The following SLC22A16 variants were observed in gnomAD, a reference collection of about 807,000 sequenced individuals.
The protein encoded by SLC22A16 is WUGSC:RG331P03.1.
SLC22A16 carries 53 observed loss-of-function variants against 52.9 expected under a neutral mutation model. That is an observed-to-expected ratio of 1.00 (90% CI 0.80 to 1.26). SLC22A16 has a LOEUF of 1.26. Ranked by LOEUF, SLC22A16 falls within the 50% of genes most tolerant of loss-of-function variation. The probability of loss-of-function intolerance (pLI) is 0.00; values close to 1 mark genes in which losing one functional copy is unlikely to be tolerated. For missense variants in SLC22A16, 726 were observed against 704.0 expected (o/e 1.03, Z -0.35); for synonymous variants, 291 against 268.8 (o/e 1.08, Z -0.81).
chr6:110,463,142 G>A (rs984649803), intron 1 of SLC22A16, among the ~76,000 whole-genome samples: 6 of 152,020 alleles, frequency 3.9e-5, no homozygotes, highest in African/African-American at 1.4e-4. Context: ...CCATGGAAAT[G>A]AAAGGACAAT....
intron 2 of SLC22A16, chr6:110,456,297 G>A (rs1332055724): frequency 4.2e-6 from 2 of 479,970 alleles, no homozygotes; most frequent in Non-Finnish European, 7.2e-6. Context: ...GGTAAGTTAG[G>A]CAATTTGCCT....
intron 1 of SLC22A16, among the ~76,000 whole-genome samples, chr6:110,468,132 G>A (rs928289722): frequency 1.3e-5 from 2 of 152,246 alleles, no homozygotes; most frequent in Non-Finnish European, 2.9e-5. Context: ...CTTGTAGCTA[G>A]CTAGTCCACG....
chr6:110,438,816 C>A lies in SLC22A16; in HGVS notation c.1215G>T (p.Val405=). 6.2e-7 allele frequency: 1 copy of A among 1,614,114 alleles called. No individual in the cohort carries two copies. Among genetic ancestry groups the A allele is most frequent in the Non-Finnish European group, 8.5e-7 (1 of 1,180,002 alleles). Residue 405 remains valine, a synonymous_variant, in exon 5 of 8, where the codon GTG becomes GTT. Transcript: ENST00000368919. ...GVVEIPAYTF[V]CIAMDKVGRR... is the part of the protein sequence containing the mutation. ...TCCCGACCTTGTCCATGGCGATGCA[C>A]ACGAAGGTGTAGGCGGGAATTTCCA...
intron 7 of SLC22A16, among the ~76,000 whole-genome samples, chr6:110,428,327 T>A (rs997088523): frequency 6.8e-6 from 1 of 146,516 alleles, no homozygotes; most frequent in Non-Finnish European, 1.5e-5. Flanking sequence ...CTTCCATAAA[T>A]ATACACCACA....
Position 110,461,249 on chromosome 6 carries a change from T to G in SLC22A16, c.54-4232A>C, listed in dbSNP as rs964267884. Among the ~76,000 whole-genome samples the G allele has an allele frequency of 9.2e-5, 14 of 152,280 alleles. No homozygotes were observed. In the East Asian group the frequency reaches 2.7e-3, roughly 29 times the overall value. ...AGAAAGAGGCTCTGACCCGAGGCCATTTTGGTGGTAGCCACAATCGAAGCC... is the reference window on the plus strand; with the variant it reads ...AGAAAGAGGCTCTGACCCGAGGCCAGTTTGGTGGTAGCCACAATCGAAGCC... On this transcript the variant is annotated intron_variant, in intron 1 of 7. Coordinates refer to ENST00000368919, the MANE Select transcript of SLC22A16 (RefSeq NM_033125.4).
At chr6:110,454,630 T>TATTATATATTTTATATATAATATA (rs1775523004) in intron 2 of SLC22A16, among the ~76,000 whole-genome samples, 1 of 47,402 alleles carries the variant, frequency 2.1e-5, no homozygotes, top group African/African-American at 1.2e-4. Context: ...TAATATATAT[T>TATTATATATTTTATATATAATATA]TATATATATT....
chr6:110,431,057 C>T, intron 7 of SLC22A16, 114 bp downstream of exon 7: 2 of 872,202 alleles, frequency 2.3e-6, no homozygotes, highest in Non-Finnish European at 3.7e-6. Flanking sequence ...TTCTACAAAC[C>T]CCATTAGGAA....
rs6928648 is a variant in SLC22A16 at position 110,447,876 on chromosome 6, G to A, written c.534-886C>T. ...TTCTCTCTGAGTAGCACCATTATAC[G>A]GATAAACCACATTTTATCTATTCAT... On this transcript the variant is annotated intron_variant, in intron 2 of 7. Transcript: ENST00000368919. Among the ~76,000 whole-genome samples the A allele has an allele frequency of 2.3e-3, 346 of 152,164 alleles. 3 individuals carry two copies. The highest frequency in any genetic ancestry group is 8.0e-3 in the African/African-American group (330 of 41,486).
intron 1 of SLC22A16, among the ~76,000 whole-genome samples, chr6:110,465,674 T>C (rs1461486459): frequency 6.6e-6 from 1 of 152,238 alleles, no homozygotes; most frequent in Admixed American, 6.5e-5. Context: ...CTCATGCTCA[T>C]GGATTAGAAG....
chr6:110,453,987 T>C (rs770745329), intron 2 of SLC22A16, among the ~76,000 whole-genome samples: 2 of 152,138 alleles, frequency 1.3e-5, no homozygotes, highest in Non-Finnish European at 2.9e-5. Context: ...CTGCGAGAAT[T>C]AATCCAGTCT....
At chr6:110,425,121 C>T in intron 7 of SLC22A16, 36 bp from the exon 8 acceptor site, 1 of 1,611,614 alleles carries the variant, frequency 6.2e-7, no homozygotes, top group Non-Finnish European at 8.5e-7. Context: ...AGTGACACAT[C>T]AAGAAAGGAA....
intron 3 of SLC22A16, among the ~76,000 whole-genome samples, chr6:110,446,445 C>T (rs554695343): frequency 3.3e-4 from 51 of 152,268 alleles, no homozygotes; most frequent in African/African-American, 8.2e-4. Flanking sequence ...AAACTCGTGC[C>T]CTTTCCACTA....
In SLC22A16 at chr6:110,476,554, C is replaced by T; in HGVS notation, c.21G>A (p.Glu7=). The change falls in exon 1 of 8, where the codon GAG becomes GAA. Residue 7 remains glutamate (E), a synonymous_variant. Coordinates refer to ENST00000368919, the MANE Select transcript of SLC22A16 (RefSeq NM_033125.4). MGSRHF[E]GIYDHVGHFG... Reference sequence around the variant, plus strand: ...AGTGCCCCACGTGGTCATAAATCCCCTCGAAGTGGCGGGACCCCATGGTGC... The same window carrying T: ...AGTGCCCCACGTGGTCATAAATCCCTTCGAAGTGGCGGGACCCCATGGTGC... 1.3e-6 allele frequency: 2 copies of T among 1,542,556 alleles called. No homozygotes were observed. Among genetic ancestry groups the T allele is most frequent in the South Asian group, 1.2e-5 (1 of 83,408 alleles).
intron 6 of SLC22A16, among the ~76,000 whole-genome samples, chr6:110,432,398 C>T (rs1039376412): frequency 6.6e-6 from 1 of 152,202 alleles, no homozygotes; most frequent in Admixed American, 6.5e-5. Context: ...TTGCAATGCA[C>T]ATTGACATTA....
chr6:110,457,478 G>C (rs926441256), intron 1 of SLC22A16, among the ~76,000 whole-genome samples: 12 of 152,320 alleles, frequency 7.9e-5, no homozygotes, highest in African/African-American at 2.9e-4. Flanking sequence ...AGCCACCCAG[G>C]TGCCGAGGCA....
At chr6:110,430,590 T>A (rs1172686140) in intron 7 of SLC22A16, among the ~76,000 whole-genome samples, 2 of 152,130 alleles carry the variant, frequency 1.3e-5, no homozygotes, top group Non-Finnish European at 2.9e-5. Flanking sequence ...GGTGCAGCAG[T>A]GCTCACGTGC....
chr6:110,435,053 A>AT (rs1208325912), intron 6 of SLC22A16, among the ~76,000 whole-genome samples: 2 of 152,140 alleles, frequency 1.3e-5, no homozygotes, highest in Admixed American at 1.3e-4. Flanking sequence ...CAAGACTGAT[A>AT]TTTTTTATGA....
At chr6:110,476,253 C>T in intron 1 of SLC22A16, 4 of 1,019,480 alleles carry the variant, frequency 3.9e-6, no homozygotes, top group Non-Finnish European at 2.7e-6. Flanking sequence ...GCGGAGAGCA[C>T]GCACCAGGTC....
intron 3 of SLC22A16, among the ~76,000 whole-genome samples, chr6:110,443,220 C>A (rs894832243): frequency 1.3e-5 from 2 of 152,050 alleles, no homozygotes; most frequent in African/African-American, 4.8e-5. Context: ...TTTTGACAGG[C>A]AAAGAAGACA....
Sources: gnomAD v4.1 joint callset for allele counts (sites outside exome capture counted in the v4.1 genomes callset) on GRCh38, gnomAD v4.1.1 for gene constraint, MANE v1.5 for transcripts, NCBI Gene and HGNC (gene_info 2026-07-23, HGNC 2026-07-21) for gene names.